Variants in C10orf143 observed in about 807,000 individuals in gnomAD.
C10orf143 encodes the protein uncharacterized protein C10orf143.
chr10:130,109,489 C>G (rs1371270614), intron 1 of C10orf143, among the ~76,000 whole-genome samples: 1 of 152,178 alleles, frequency 6.6e-6, no homozygotes, highest in Admixed American at 6.5e-5. Flanking sequence ...GCAGGAGAAT[C>G]AAACTTCCAT....
rs759182989 is a variant in C10orf143 at position 130,106,745 on chromosome 10, G to A, written c.69+3959C>T. Reference sequence around the variant, plus strand: ...TTTGCAAGAAGCTGAAGTATGGAACGAACAAGTGAATGAACTTAATAAACA... The same window carrying A: ...TTTGCAAGAAGCTGAAGTATGGAACAAACAAGTGAATGAACTTAATAAACA... On this transcript the variant is annotated intron_variant, in intron 1 of 3. Coordinates refer to ENST00000637128, the MANE Select transcript of C10orf143 (RefSeq NM_001355042.2). The A allele has an allele frequency of 6.2e-5, 77 of 1,249,870 alleles. No individual in the cohort carries two copies. In the Admixed American group the frequency reaches 1.0e-3, roughly 17 times the overall value. The allele number at this position is 1,249,870 out of a possible 1,614,324, so 77.4% of individuals were successfully genotyped here. A position where few individuals can be genotyped will look rare whatever the true frequency, so the allele number is the denominator to read the frequency against.
At chr10:130,083,264 T>C (rs1861236631) in intron 1 of C10orf143, among the ~76,000 whole-genome samples, 1 of 152,220 alleles carries the variant, frequency 6.6e-6, no homozygotes, top group Admixed American at 6.5e-5. Flanking sequence ...AATTGTAGAA[T>C]GTGGTGTAGC....
At chr10:130,094,146 G>C (rs957868800) in intron 1 of C10orf143, among the ~76,000 whole-genome samples, 1 of 151,974 alleles carries the variant, frequency 6.6e-6, no homozygotes, top group African/African-American at 2.4e-5. Context: ...TACATTCCTG[G>C]ATACATATAC....
At chr10:130,071,647 GAC>G (rs1396834072) in intron 3 of C10orf143, among the ~76,000 whole-genome samples, 2 of 151,594 alleles carry the variant, frequency 1.3e-5, no homozygotes, top group African/African-American at 4.9e-5. Context: ...TTTTTTTTGA[GAC>G]ACAGTTTCAC....
intron 3 of C10orf143, among the ~76,000 whole-genome samples, chr10:130,042,813 G>A (rs564942394): frequency 1.3e-5 from 2 of 152,232 alleles, no homozygotes; most frequent in East Asian, 3.9e-4. Flanking sequence ...GAAAGGAGGT[G>A]GGCCGTCACG....
intron 3 of C10orf143, among the ~76,000 whole-genome samples, chr10:130,072,095 G>C (rs1449919149): frequency 6.6e-6 from 1 of 151,276 alleles, no homozygotes. Context: ...ACAATTTATA[G>C]GTGTATGTAA....
intron 3 of C10orf143, among the ~76,000 whole-genome samples, chr10:130,049,131 T>C (rs1045915233): frequency 2.6e-5 from 4 of 152,210 alleles, no homozygotes; most frequent in African/African-American, 9.6e-5. Context: ...AGCCCCAGCT[T>C]GTGCTCCTTG....
chr10:130,060,177 TA>T (rs961396986), downstream of C10orf143, among the ~76,000 whole-genome samples: 615 of 148,482 alleles, frequency 4.1e-3, 1 homozygote, highest in Non-Finnish European at 6.7e-3. Flanking sequence ...TGCTCCATGC[TA>T]AAAAAAAAAG....
intron 3 of C10orf143, among the ~76,000 whole-genome samples, chr10:130,037,307 C>T (rs61875993): frequency 0.14 from 20,561 of 152,258 alleles, 1,843 homozygotes; most frequent in Admixed American, 0.2. Flanking sequence ...CGCTTTCCTC[C>T]GGCTGACTTC....
chr10:130,102,354 C>T (rs940674398), intron 1 of C10orf143, among the ~76,000 whole-genome samples: 3 of 152,130 alleles, frequency 2.0e-5, no homozygotes, highest in Admixed American at 2.0e-4. Flanking sequence ...CATCTCAGCT[C>T]ACAGCAACCT....
At chr10:130,068,558 C>A (rs1406296830) in intron 3 of C10orf143, 1 of 127,756 alleles carries the variant, frequency 7.8e-6, no homozygotes, top group East Asian at 2.4e-4. Context: ...TTGCAGTGAG[C>A]TGAGATCATG....
At chr10:130,102,894 G>A (rs1171731) in intron 1 of C10orf143, among the ~76,000 whole-genome samples, 95,989 of 151,746 alleles carry the variant, frequency 0.63, 30,602 homozygotes, top group Admixed American at 0.72. Flanking sequence ...CAGTGTTAGC[G>A]TGATTTTTTT....
downstream of C10orf143, among the ~76,000 whole-genome samples, chr10:130,059,555 T>C (rs1860831952): frequency 6.6e-6 from 1 of 152,170 alleles, no homozygotes; most frequent in Non-Finnish European, 1.5e-5. Context: ...GCAAAGATCA[T>C]ACTGGCATCA....
In C10orf143 at chr10:130,056,886, C is replaced by T. The variant is rs543817835; in HGVS notation, c.298-20916G>A. Among the ~76,000 whole-genome samples the T allele has an allele frequency of 8.7e-5, 13 of 149,542 alleles. No individual in the cohort carries two copies. Among genetic ancestry groups the T allele is most frequent in the African/African-American group, 2.5e-4 (10 of 40,486 alleles). On this transcript the variant is annotated intron_variant and NMD_transcript_variant, in intron 3 of 5. Coordinates refer to the C10orf143 transcript ENST00000643056. The surrounding 1 kb of genome is among the most constrained non-coding windows in gnomAD (Gnocchi z 4.6). ...GATTACAGGCGTGAGCCACTGTGCC[C>T]GGCCAGTTGCTTTCATTTTTTATAC...
chr10:130,084,331 T>C (rs1861256206), intron 1 of C10orf143, among the ~76,000 whole-genome samples: 2 of 151,426 alleles, frequency 1.3e-5, no homozygotes, highest in South Asian at 4.2e-4. Context: ...AAAAAAAAAC[T>C]ATTTTGACTA....
At chr10:130,095,880 T>C (rs1369205749) in intron 1 of C10orf143, among the ~76,000 whole-genome samples, 1 of 152,162 alleles carries the variant, frequency 6.6e-6, no homozygotes, top group African/African-American at 2.4e-5. Context: ...GACACAGGCA[T>C]GGACAAAGAC....
intron 1 of C10orf143, among the ~76,000 whole-genome samples, chr10:130,105,542 C>G (rs915754389): frequency 6.6e-6 from 1 of 152,036 alleles, no homozygotes; most frequent in African/African-American, 2.4e-5. Flanking sequence ...ACCAGTCTGG[C>G]CAACATGGTG....
At chr10:130,060,307 T>A (rs192749952), downstream of C10orf143, among the ~76,000 whole-genome samples, 1 of 152,288 alleles carries the variant, frequency 6.6e-6, no homozygotes, top group East Asian at 1.9e-4. Context: ...TTCTTTTGAA[T>A]ATAATTGCAA....
intron 3 of C10orf143, among the ~76,000 whole-genome samples, chr10:130,043,576 C>T (rs929981221): frequency 6.6e-6 from 1 of 152,242 alleles, no homozygotes; most frequent in Non-Finnish European, 1.5e-5. Flanking sequence ...CTCCCCTCCT[C>T]AACCATGGCA....
Sources: allele counts gnomAD v4.1 joint callset (sites outside exome capture counted in the v4.1 genomes callset), GRCh38; gene constraint gnomAD v4.1.1; non-coding constraint Gnocchi (gnomAD v3.1); transcripts MANE v1.5; gene names NCBI Gene and HGNC (gene_info 2026-07-23, HGNC 2026-07-21).